Variants in DGKB observed in about 807,000 individuals in gnomAD.
DGKB encodes the protein diacylglycerol kinase beta.
Under a neutral mutation model 114.3 loss-of-function variants are expected in DGKB, and 67 were observed. The ratio of observed to expected loss-of-function variants is 0.59; its 90% CI spans 0.48 to 0.72. The LOEUF (loss-of-function observed/expected upper bound fraction) is 0.72, where lower values mean the gene tolerates loss of function less well. Among genes scored for constraint, DGKB ranks in the 30% least tolerant of loss-of-function variants. DGKB has a pLI of 0.00. For synonymous variants in DGKB, 398 were observed against 323.1 expected, an observed-to-expected ratio of 1.23 and a Z score of -2.49; for missense variants, 907 against 975.2, an observed-to-expected ratio of 0.93 and a Z score of 0.93.
At chr7:14,296,553 G>A (rs1802594332) in intron 23 of DGKB, among the ~76,000 whole-genome samples, 2 of 151,806 alleles carry the variant, frequency 1.3e-5, no homozygotes, top group African/African-American at 2.4e-5. Flanking sequence ...TTGTATTTCT[G>A]GCTCTAGATC....
intron 2 of DGKB, among the ~76,000 whole-genome samples, chr7:14,806,492 T>C (rs1442448759): frequency 6.6e-6 from 1 of 151,044 alleles, no homozygotes; most frequent in African/African-American, 2.4e-5. Context: ...ATAGTAAACA[T>C]AAATGGGCAA....
At chr7:14,428,827 A>C (rs1363014336) in intron 21 of DGKB, among the ~76,000 whole-genome samples, 3 of 152,110 alleles carry the variant, frequency 2.0e-5, no homozygotes, top group African/African-American at 7.2e-5. Flanking sequence ...GAACAAAAAA[A>C]CCCATGCTCA....
chr7:14,671,545 G>A (rs1015909238), intron 13 of DGKB, among the ~76,000 whole-genome samples: 18 of 152,192 alleles, frequency 1.2e-4, no homozygotes, highest in African/African-American at 4.1e-4. Context: ...CTTTACATTT[G>A]ATTCTCTCAA....
chr7:14,583,712 T>C (rs2128728971), intron 17 of DGKB, among the ~76,000 whole-genome samples: 1 of 152,260 alleles, frequency 6.6e-6, no homozygotes, highest in African/African-American at 2.4e-5. Flanking sequence ...GTTGACAGTG[T>C]TTTCCACCCA....
intron 5 of DGKB, among the ~76,000 whole-genome samples, chr7:14,728,942 C>T (rs1398648348): frequency 1.3e-5 from 2 of 151,700 alleles, no homozygotes; most frequent in Non-Finnish European, 2.9e-5. Flanking sequence ...CCTTGTGATC[C>T]CCCCACCTCA....
rs769288418 is a variant in DGKB at position 14,580,830 on chromosome 7, T to A, written c.1609+32A>T. ...TGCAAGGGAAAGGGGTGTTGTGTAC[T>A]GTTTCTGCTTTTGTTGTTGCAGCTG... On this transcript the variant is annotated intron_variant, in intron 19 of 25. Coordinates refer to ENST00000402815, the MANE Select transcript of DGKB (RefSeq NM_001350709.2). 6.7e-6 allele frequency: 10 copies of A among 1,502,540 alleles called. No individual in the cohort carries two copies. The East Asian group carries it at 6.8e-5, about 10-fold the overall frequency. The allele number at this position is 1,502,540 out of a possible 1,614,324, so 93.1% of individuals were successfully genotyped here.
intron 1 of DGKB, among the ~76,000 whole-genome samples, chr7:14,920,833 T>G (rs1044549411): frequency 9.9e-5 from 15 of 151,358 alleles, no homozygotes; most frequent in African/African-American, 3.4e-4. Flanking sequence ...AAATGAGCTA[T>G]GAAGCCAAGG....
At chr7:14,708,438 T>A (rs1248071660) in intron 6 of DGKB, among the ~76,000 whole-genome samples, 1 of 142,982 alleles carries the variant, frequency 7.0e-6, no homozygotes, top group African/African-American at 2.7e-5. Flanking sequence ...TACCAATGAC[T>A]TTCTTCACAG....
intron 13 of DGKB, among the ~76,000 whole-genome samples, chr7:14,645,297 G>A (rs1812717277): frequency 1.3e-5 from 2 of 152,014 alleles, no homozygotes; most frequent in South Asian, 4.2e-4. Context: ...TGATCCTTTT[G>A]GTCACGGACA....
intron 20 of DGKB, among the ~76,000 whole-genome samples, chr7:14,570,927 A>C (rs528202306): frequency 3.8e-4 from 58 of 152,322 alleles, no homozygotes; most frequent in African/African-American, 1.4e-3. Flanking sequence ...CAACCTCGAC[A>C]CTATTGACAT....
At chr7:14,884,991 C>T (rs533313499) in intron 1 of DGKB, among the ~76,000 whole-genome samples, 37 of 151,962 alleles carry the variant, frequency 2.4e-4, no homozygotes, top group Non-Finnish European at 3.2e-4. Flanking sequence ...CAAAAGCAGG[C>T]CCATCACTGA....
At chr7:14,853,223 A>G (rs1394405715) in intron 1 of DGKB, among the ~76,000 whole-genome samples, 1 of 152,198 alleles carries the variant, frequency 6.6e-6, no homozygotes, top group Admixed American at 6.5e-5. Flanking sequence ...GTAAATTCAC[A>G]GTATAAAAAC....
At chr7:14,947,678 G>C (rs1348060140) in intron 1 of DGKB, among the ~76,000 whole-genome samples, 1 of 151,604 alleles carries the variant, frequency 6.6e-6, no homozygotes, top group Non-Finnish European at 1.5e-5. Flanking sequence ...TATCATGTAT[G>C]TGTTAACATG....
At chr7:14,253,223 C>T (rs958995367) in intron 23 of DGKB, among the ~76,000 whole-genome samples, 3 of 152,002 alleles carry the variant, frequency 2.0e-5, no homozygotes, top group African/African-American at 4.8e-5. Context: ...TTAGTAGAGA[C>T]GGGGTTTCAC....
intron 13 of DGKB, among the ~76,000 whole-genome samples, chr7:14,662,997 A>G (rs911526964): frequency 6.6e-6 from 1 of 152,110 alleles, no homozygotes; most frequent in South Asian, 2.1e-4. Flanking sequence ...ACCATCAGCT[A>G]TGCATAGTTA....
At chr7:14,927,990 C>A (rs543305189) in intron 1 of DGKB, among the ~76,000 whole-genome samples, 1 of 151,918 alleles carries the variant, frequency 6.6e-6, no homozygotes, top group South Asian at 2.1e-4. Flanking sequence ...ATAGTTACTA[C>A]AAATGTACCC....
chr7:14,617,651 T>A (rs1655797596), intron 15 of DGKB, among the ~76,000 whole-genome samples: 1 of 151,704 alleles, frequency 6.6e-6, no homozygotes, highest in Non-Finnish European at 1.5e-5. Flanking sequence ...CAGTCTTTAT[T>A]GAAGCCTTCA....
intron 13 of DGKB, among the ~76,000 whole-genome samples, chr7:14,657,953 A>T (rs1305361798): frequency 1.3e-5 from 2 of 151,970 alleles, no homozygotes; most frequent in Non-Finnish European, 1.5e-5. Flanking sequence ...CTACTTCCTA[A>T]CAAACTTTCT....
intron 1 of DGKB, among the ~76,000 whole-genome samples, chr7:14,964,458 C>T (rs1208876194): frequency 1.3e-5 from 2 of 152,100 alleles, no homozygotes; most frequent in Admixed American, 1.3e-4. Context: ...TAAGATCGCA[C>T]CATTGCACTC....
Sources: gnomAD v4.1 joint callset for allele counts (sites outside exome capture counted in the v4.1 genomes callset) on GRCh38, gnomAD v4.1.1 for gene constraint, MANE v1.5 for transcripts, NCBI Gene and HGNC (gene_info 2026-07-23, HGNC 2026-07-21) for gene names.